The following NAP1L1 variants were observed in gnomAD, a reference collection of about 807,000 sequenced individuals.
NAP1L1 encodes the protein nucleosome assembly protein 1-like 1.
NAP1L1 carries 9 observed loss-of-function variants against 58.9 expected under a neutral mutation model. The ratio of observed to expected loss-of-function variants is 0.15; its 90% CI spans 0.09 to 0.27. The LOEUF is 0.27. Ranked by LOEUF, NAP1L1 falls within the 10% of genes least tolerant of loss-of-function variation. The pLI is 1.00. For missense variants in NAP1L1, 302 were observed against 458.8 expected, an observed-to-expected ratio of 0.66 and a Z score of 3.12; for synonymous variants, 130 against 138.3, an observed-to-expected ratio of 0.94 and a Z score of 0.42.
intron 2 of NAP1L1, among the ~76,000 whole-genome samples, chr12:76,072,032 A>G (rs1949974645): frequency 6.6e-6 from 1 of 151,610 alleles, no homozygotes; most frequent in Non-Finnish European, 1.5e-5. Context: ...CTACACTGAA[A>G]TCCCAAATTA....
At chr12:76,074,061 A>G in intron 2 of NAP1L1, 142 bp downstream of exon 2, 2 of 692,512 alleles carry the variant, frequency 2.9e-6, no homozygotes, top group Non-Finnish European at 2.5e-6. Context: ...CCTTGAATAC[A>G]CTGCACTAGA....
rs1412803408 is a variant in NAP1L1, at chr12:76,037,754, CTGAGT to C, written c.*10670_*10674del. The C allele has an allele frequency of 9.2e-5, 14 of 152,168 alleles. No individual in the cohort carries two copies. Among genetic ancestry groups the C allele is most frequent in the African/African-American group, 3.1e-4 (13 of 41,426 alleles). The allele number at this position is 152,168 out of a possible 1,614,324, so 9.4% of individuals were successfully genotyped here. A position where few individuals can be genotyped will look rare whatever the true frequency, so the allele number is the denominator to read the frequency against. ...TATTCAAATCCCAGATTTCCTCTGG[CTGAGT>C]TAATTCCTTCCTAATCACTTCAAAC... On this transcript the variant is annotated 3_prime_UTR_variant, in exon 15 of 15. Transcript: ENST00000618691.
intron 2 of NAP1L1, among the ~76,000 whole-genome samples, chr12:76,069,397 C>T (rs1949841668): frequency 6.6e-6 from 1 of 152,200 alleles, no homozygotes; most frequent in African/African-American, 2.4e-5. Context: ...TTTAGCTACA[C>T]TATTTTGACA....
At position 76,045,282 on chromosome 12, in the gene NAP1L1, C is replaced by T. The variant is rs1308676765; in HGVS notation, c.*3147G>A. Reference sequence around the variant, plus strand: ...GGCTTAAATTTTTGTAAGACTAACCCATAAAAAAGGACTCCAATTTTAAAC... The same window carrying T: ...GGCTTAAATTTTTGTAAGACTAACCTATAAAAAAGGACTCCAATTTTAAAC... On this transcript the variant is annotated 3_prime_UTR_variant, in exon 15 of 15. Transcript: ENST00000618691. 1 of 151,978 alleles carries T rather than the reference C, an allele frequency of 6.6e-6. No individual in the cohort carries two copies. Among genetic ancestry groups the T allele is most frequent in the Non-Finnish European group, 1.5e-5 (1 of 67,922 alleles). The allele number at this position is 151,978 out of a possible 1,614,324, so 9.4% of individuals were successfully genotyped here.
intron 11 of NAP1L1, 92 bp from the exon 12 acceptor site, chr12:76,050,745 G>A (rs1454319056): frequency 1.5e-6 from 2 of 1,361,414 alleles, no homozygotes; most frequent in Admixed American, 2.5e-5. Context: ...TGGGTGTGAT[G>A]GCTCACAACT....
At chr12:76,049,595 T>C (rs1565713251) in intron 13 of NAP1L1, 161 bp downstream of exon 13, 33 of 1,511,424 alleles carry the variant, frequency 2.2e-5, no homozygotes, top group Non-Finnish European at 2.9e-5. Context: ...ATTGAAACCT[T>C]ATACATACAT....
chr12:76,076,501 A>G (rs1205357088), intron 1 of NAP1L1, among the ~76,000 whole-genome samples: 1 of 148,078 alleles, frequency 6.8e-6, no homozygotes, highest in African/African-American at 2.5e-5. Flanking sequence ...ATGAAGGAAC[A>G]CTAAAGCAAG....
At position 76,059,840 on chromosome 12, in the gene NAP1L1, T is replaced by C. The variant is rs3208349; in HGVS notation, c.387A>G (p.Glu129=). The C allele has an allele frequency of 1.2e-6, 2 of 1,602,876 alleles. No homozygotes were observed. Among genetic ancestry groups the C allele is most frequent in the African/African-American group, 1.3e-5 (1 of 74,244 alleles). The part of the protein sequence containing the change: ...EIINAIYEPT[E]EECEWKPDEE... ...CATCTGGTTTCCATTCACATTCTTC[T>C]TCCGTAGGTTCATAAATTGCATTAA... Residue 129 remains glutamate, a synonymous_variant, in exon 6 of 15, where the codon GAA becomes GAG. Coordinates refer to ENST00000618691, the MANE Select transcript of NAP1L1 (RefSeq NM_004537.7).
At chr12:76,081,871 C>T (rs1950419769) in intron 1 of NAP1L1, among the ~76,000 whole-genome samples, 1 of 152,206 alleles carries the variant, frequency 6.6e-6, no homozygotes, top group East Asian at 1.9e-4. Context: ...CAAATTATAA[C>T]AGGTTCCTTT....
Position 76,076,209 on chromosome 12 carries a change from T to A in NAP1L1, c.-20-1970A>T, listed in dbSNP as rs191290165. Among the ~76,000 whole-genome samples, 28 of 152,246 alleles carry A rather than the reference T, an allele frequency of 1.8e-4. No homozygotes were observed. The East Asian group carries it at 4.8e-3, about 26-fold the overall frequency. On this transcript the variant is annotated intron_variant, in intron 1 of 14. Coordinates refer to ENST00000618691, the MANE Select transcript of NAP1L1 (RefSeq NM_004537.7). ...AGAGATGCTTTCTCCAACCTGCACA[T>A]TCCGGTTAAGTAAGATTTCTTGGTT...
At chr12:76,078,271 A>G (rs1950273466) in intron 1 of NAP1L1, among the ~76,000 whole-genome samples, 1 of 152,110 alleles carries the variant, frequency 6.6e-6, no homozygotes, top group African/African-American at 2.4e-5. Flanking sequence ...CCAAAATGCT[A>G]TATCCTCAAG....
rs1565714642 is a variant in NAP1L1, at chr12:76,050,642, A to C, written c.948T>G (p.Ala316=). 2 of 1,601,718 alleles carry C rather than the reference A, an allele frequency of 1.2e-6. No homozygotes were observed. Among genetic ancestry groups the C allele is most frequent in the Non-Finnish European group, 1.7e-6 (2 of 1,177,006 alleles). The change falls in exon 12 of 15, where the codon GCT becomes GCG. Residue 316 remains alanine (A), a synonymous_variant. Transcript: ENST00000618691. Reference sequence around the variant, plus strand: ...CGAAGTCTGCAGCAAGGATAGCTTCAGCATCATCATCCTATTTTTAAAGGA... The same window carrying C: ...CGAAGTCTGCAGCAAGGATAGCTTCCGCATCATCATCCTATTTTTAAAGGA... ...VPESGDLDDD[A]EAILAADFEI...
chr12:76,061,897 A>G (rs1008804111), intron 4 of NAP1L1, among the ~76,000 whole-genome samples: 1 of 152,214 alleles, frequency 6.6e-6, no homozygotes, highest in South Asian at 2.1e-4. Context: ...TGCTCCCCCA[A>G]AAAGCTAATC....
intron 1 of NAP1L1, chr12:76,074,521 G>T: frequency 5.4e-6 from 1 of 185,420 alleles, no homozygotes; most frequent in Non-Finnish European, 1.0e-5. Context: ...AGCACCATTG[G>T]TTAAAAACAA....
chr12:76,077,949 C>T (rs543488816), intron 1 of NAP1L1, among the ~76,000 whole-genome samples: 35 of 139,874 alleles, frequency 2.5e-4, no homozygotes, highest in African/African-American at 9.4e-4. Flanking sequence ...CACCGCTGCA[C>T]TCCAGCTTGG....
At chr12:76,063,102 TACTC>T (rs1351484043) in intron 4 of NAP1L1, among the ~76,000 whole-genome samples, 2 of 152,326 alleles carry the variant, frequency 1.3e-5, no homozygotes, top group African/African-American at 4.8e-5. Flanking sequence ...TTGCCACAGA[TACTC>T]ACTATATATT....
At chr12:76,084,232 G>C (rs1565757709) in intron 1 of NAP1L1, 1 of 152,230 alleles carries the variant, frequency 6.6e-6, no homozygotes, top group African/African-American at 2.4e-5. Context: ...GCGCAGCCGA[G>C]TCTCAGGGCA....
chr12:76,068,407 C>G (rs1214019220), intron 3 of NAP1L1, among the ~76,000 whole-genome samples: 1 of 152,038 alleles, frequency 6.6e-6, no homozygotes, highest in African/African-American at 2.4e-5. Flanking sequence ...TGGCGCAGAT[C>G]TACAAGACAT....
In NAP1L1 at chr12:76,055,052, A is replaced by C; in HGVS notation, c.597T>G (p.Ile199Met). 6.2e-7 allele frequency: 1 copy of C among 1,606,374 alleles called. No individual in the cohort carries two copies. The highest frequency in any genetic ancestry group is 2.2e-5 in the East Asian group (1 of 44,694). Residue 199 changes from isoleucine to methionine, a missense_variant, in exon 8 of 15, where the codon ATT (isoleucine) becomes ATG (methionine). Physicochemically the swap from Ile to Met is conservative, Grantham distance 10. Transcript: ENST00000618691. ...GGCCAGCATCTGAGAACTTCACTTT[A>C]ATATCTTTCAAGTGCTTCAGAATAG... The part of the protein sequence containing the change: ...DEPILKHLKD[I>M]KVKFSDAGQP...
Sources: gnomAD v4.1 joint callset for allele counts (sites outside exome capture counted in the v4.1 genomes callset) on GRCh38, gnomAD v4.1.1 for gene constraint, MANE v1.5 for transcripts, NCBI Gene and HGNC (gene_info 2026-07-23, HGNC 2026-07-21) for gene names.